Variants in DPP10 observed in about 807,000 individuals in gnomAD.
The protein encoded by DPP10 is inactive dipeptidyl peptidase 10.
In DPP10, 33 loss-of-function variants were observed where a neutral mutation model predicts 120.9. The ratio of observed to expected loss-of-function variants is 0.27; its 90% CI spans 0.21 to 0.37. The LOEUF (loss-of-function observed/expected upper bound fraction) is 0.37, where lower values mean the gene tolerates loss of function less well. Among genes scored for constraint, DPP10 ranks in the 10% least tolerant of loss-of-function variants. The probability of loss-of-function intolerance (pLI) is 1.00; values close to 1 mark genes in which losing one functional copy is unlikely to be tolerated. For missense variants in DPP10, 816 were observed against 942.8 expected, an observed-to-expected ratio of 0.87 and a Z score of 1.76; for synonymous variants, 337 against 326.1, an observed-to-expected ratio of 1.03 and a Z score of -0.36.
chr2:115,248,265 C>G (rs1452516557), intron 1 of DPP10, among the ~76,000 whole-genome samples: 1 of 152,136 alleles, frequency 6.6e-6, no homozygotes, highest in Non-Finnish European at 1.5e-5. Flanking sequence ...AAGTATGAGT[C>G]CCACAGGAGA....
intron 1 of DPP10, among the ~76,000 whole-genome samples, chr2:114,767,154 C>A (rs1680787263): frequency 2.3e-5 from 2 of 86,188 alleles, no homozygotes; most frequent in South Asian, 4.1e-4. Flanking sequence ...AACAACAACA[C>A]ACCGAAGTAT....
At chr2:115,402,081 C>T (rs2104490918) in intron 3 of DPP10, among the ~76,000 whole-genome samples, 1 of 152,254 alleles carries the variant, frequency 6.6e-6, no homozygotes, top group South Asian at 2.1e-4. Flanking sequence ...CCCTTGGACC[C>T]TTGGACTTCA....
In DPP10 at chr2:114,798,610, C is replaced by G. The variant is rs564667492; in HGVS notation, c.60+355772C>G. 2.9e-4 allele frequency among the ~76,000 whole-genome samples: 44 copies of G among 152,100 alleles called. No homozygotes were observed. In the South Asian group the frequency reaches 8.7e-3, roughly 30 times the overall value. ...GTCAATAATAAGCAGAGCTAAAGTG[C>G]AGTGCTGGAAGCCAGGAGGGCAGGC... On this transcript the variant is annotated intron_variant, in intron 1 of 25. Coordinates refer to ENST00000410059, the MANE Select transcript of DPP10 (RefSeq NM_020868.6).
chr2:115,228,043 C>A (rs1398341805), intron 1 of DPP10, among the ~76,000 whole-genome samples: 1 of 151,756 alleles, frequency 6.6e-6, no homozygotes, highest in Non-Finnish European at 1.5e-5. Flanking sequence ...CTGCTACGGC[C>A]TCCTGAGTGG....
intron 21 of DPP10, among the ~76,000 whole-genome samples, chr2:115,827,327 G>GTATATGTATATGTA (rs1252737471): frequency 3.5e-5 from 5 of 144,044 alleles, no homozygotes; most frequent in African/African-American, 1.0e-4. Context: ...ACATGTATAT[G>GTATATGTATATGTA]TATATGTATA....
chr2:115,119,392 T>G (rs1241430328), intron 1 of DPP10, among the ~76,000 whole-genome samples: 4 of 152,312 alleles, frequency 2.6e-5, no homozygotes, highest in African/African-American at 9.6e-5. Flanking sequence ...CTGTGGCCAA[T>G]TATTGTTTTA....
intron 5 of DPP10, among the ~76,000 whole-genome samples, chr2:115,648,405 G>A: frequency 6.6e-6 from 1 of 151,964 alleles, no homozygotes; most frequent in Non-Finnish European, 1.5e-5. Context: ...AAATCCCTAA[G>A]AGAGCAGATT....
At chr2:115,321,475 G>A (rs1209217752) in intron 2 of DPP10, among the ~76,000 whole-genome samples, 3 of 142,424 alleles carry the variant, frequency 2.1e-5, no homozygotes, top group Admixed American at 7.0e-5. Flanking sequence ...TATCTTCTGC[G>A]TATTTTATTA....
chr2:114,482,837 A>T (rs1198347138), intron 1 of DPP10, among the ~76,000 whole-genome samples: 1 of 152,178 alleles, frequency 6.6e-6, no homozygotes, highest in Non-Finnish European at 1.5e-5. Flanking sequence ...AGTCCTGGAA[A>T]AATAAACCTC....
At chr2:115,490,551 A>C (rs950907966) in intron 3 of DPP10, among the ~76,000 whole-genome samples, 1 of 151,840 alleles carries the variant, frequency 6.6e-6, no homozygotes, top group Non-Finnish European at 1.5e-5. Flanking sequence ...TGGTAACCCA[A>C]CTCCCTTCAG....
chr2:114,579,588 CAAGT>C (rs888071559), intron 1 of DPP10, among the ~76,000 whole-genome samples: 43 of 152,098 alleles, frequency 2.8e-4, no homozygotes, highest in African/African-American at 1.0e-3. Context: ...AACAAAACAC[CAAGT>C]TATTTCTCAA....
intron 1 of DPP10, among the ~76,000 whole-genome samples, chr2:115,209,161 T>G (rs1453917005): frequency 6.6e-6 from 1 of 152,144 alleles, no homozygotes; most frequent in Non-Finnish European, 1.5e-5. Context: ...TCCTCAGGTT[T>G]AAGCTGTAAT....
intron 3 of DPP10, among the ~76,000 whole-genome samples, chr2:115,426,024 T>C (rs7565824): frequency 0.93 from 135,557 of 146,464 alleles, 62,904 homozygotes; most frequent in African/African-American, 0.96. Context: ...AAACACCTCT[T>C]ACCAGGTGCC....
chr2:115,472,114 C>G (rs1574947874), intron 3 of DPP10, among the ~76,000 whole-genome samples: 1 of 152,180 alleles, frequency 6.6e-6, no homozygotes, highest in East Asian at 1.9e-4. Flanking sequence ...CTTCTAGGTG[C>G]CTGCATGCTC....
At chr2:115,746,743 G>A (rs1412392268) in intron 10 of DPP10, among the ~76,000 whole-genome samples, 1 of 152,086 alleles carries the variant, frequency 6.6e-6, no homozygotes, top group African/African-American at 2.4e-5. Context: ...AAAATCTTCA[G>A]TAGTGAACAA....
rs66927327 is a variant in DPP10 at position 115,459,938 on chromosome 2, T to TATATATATATATATATACACACACAC, written c.272-39571_272-39570insTATATATATATATATACACACACACA. Among the ~76,000 whole-genome samples the TATATATATATATATATACACACACAC allele has an allele frequency of 1.9e-4, 24 of 128,528 alleles. No homozygotes were observed. The South Asian group carries it at 2.2e-3, about 12-fold the overall frequency. 84.3% of individuals were successfully genotyped at this position (128,528 alleles called of 152,430 possible). ...AAAACATATATTTTATATATATATATACACACACACACCTTTGTTTGCATT... is the reference window on the plus strand; with the variant it reads ...AAAACATATATTTTATATATATATATATATATATATATATATACACACACACACACACACACACCTTTGTTTGCATT... On this transcript the variant is annotated intron_variant, in intron 3 of 25. Coordinates refer to ENST00000410059, the MANE Select transcript of DPP10 (RefSeq NM_020868.6).
intron 1 of DPP10, among the ~76,000 whole-genome samples, chr2:115,150,738 A>G (rs1203484826): frequency 6.6e-6 from 1 of 152,236 alleles, no homozygotes; most frequent in African/African-American, 2.4e-5. Context: ...GTATTGGACA[A>G]TTGAAACATG....
intron 21 of DPP10, among the ~76,000 whole-genome samples, chr2:115,818,328 CA>C (rs954728245): frequency 2.6e-5 from 4 of 152,218 alleles, no homozygotes; most frequent in Admixed American, 2.0e-4. Flanking sequence ...TTACCACATA[CA>C]AAAAAGTACA....
rs376324802 is a variant in DPP10 at position 115,409,398 on chromosome 2, A to G, written c.271+65486A>G. 2.6e-5 allele frequency among the ~76,000 whole-genome samples: 4 copies of G among 152,360 alleles called. No individual in the cohort carries two copies. In the East Asian group the frequency reaches 7.7e-4, roughly 29 times the overall value. ...TATGAACAGCATATACAAATGGCCA[A>G]CAAAAGTGAAAATTGCCCAACATCA... is the stretch of plus-strand genomic sequence containing the variant. On this transcript the variant is annotated intron_variant, in intron 3 of 25. Coordinates refer to ENST00000410059, the MANE Select transcript of DPP10 (RefSeq NM_020868.6).
Sources: allele counts gnomAD v4.1 joint callset (sites outside exome capture counted in the v4.1 genomes callset), GRCh38; gene constraint gnomAD v4.1.1; transcripts MANE v1.5; gene names NCBI Gene and HGNC (gene_info 2026-07-23, HGNC 2026-07-21).